The following TAFA4 variants were observed in gnomAD, a reference collection of about 807,000 sequenced individuals.
The protein encoded by TAFA4 is TAFA chemokine like family member 4.
Under a neutral mutation model 21.1 loss-of-function variants are expected in TAFA4, and 20 were observed. The ratio of observed to expected loss-of-function variants is 0.95; its 90% confidence interval spans 0.67 to 1.38. TAFA4 has a LOEUF of 1.38. Ranked by LOEUF, TAFA4 falls within the 40% of genes most tolerant of loss-of-function variation. TAFA4 has a pLI of 0.00. For synonymous variants in TAFA4, 71 were observed against 67.4 expected (o/e 1.05, Z -0.26); for missense variants, 211 against 180.9 (o/e 1.17, Z -0.95).
chr3:68,820,481 G>T (rs1043750908), intron 3 of TAFA4, among the ~76,000 whole-genome samples: 1 of 151,932 alleles, frequency 6.6e-6, no homozygotes, highest in Non-Finnish European at 1.5e-5. Flanking sequence ...TTTGAGAGCA[G>T]CCTGAACAAC....
intron 1 of TAFA4, among the ~76,000 whole-genome samples, chr3:68,890,449 G>C (rs4855536): frequency 0.55 from 83,692 of 152,026 alleles, 23,579 homozygotes; most frequent in East Asian, 0.72. Flanking sequence ...TTTGAATGTT[G>C]TGGTTAATTC....
intron 4 of TAFA4, among the ~76,000 whole-genome samples, chr3:68,742,363 C>T (rs898265369): frequency 3.2e-5 from 3 of 93,500 alleles, no homozygotes; most frequent in African/African-American, 1.1e-4. Flanking sequence ...ATTTTCTCTG[C>T]AGGCAACACA....
At chr3:68,739,280 G>C in intron 4 of TAFA4, 81 bp from the exon 5 acceptor site, 1 of 1,488,348 alleles carries the variant, frequency 6.7e-7, no homozygotes, top group Non-Finnish European at 9.2e-7. Flanking sequence ...ATACAGAGTA[G>C]TACACTGAGT....
Position 68,891,159 on chromosome 3 carries a change from T to C in TAFA4, c.-122-5849A>G, listed in dbSNP as rs142233400. Among the ~76,000 whole-genome samples the C allele has an allele frequency of 5.6e-4, 85 of 152,296 alleles. 1 individual carries two copies. The highest frequency in any genetic ancestry group is 4.9e-4 in the Non-Finnish European group (33 of 68,018). On this transcript the variant is annotated intron_variant, in intron 1 of 5. Transcript: ENST00000295569. ...AAGATATACCAGAGCCAGAACATCA[T>C]ACATGAAGGCTAAATTACTTCGGTT...
intron 3 of TAFA4, among the ~76,000 whole-genome samples, chr3:68,771,468 G>A (rs925201809): frequency 9.8e-5 from 15 of 152,352 alleles, no homozygotes; most frequent in Admixed American, 3.9e-4. Flanking sequence ...TTTGAGCAGC[G>A]GGGCACTGAA....
chr3:68,746,505 C>A (rs141643601), intron 4 of TAFA4, among the ~76,000 whole-genome samples: 1 of 152,090 alleles, frequency 6.6e-6, no homozygotes, highest in Non-Finnish European at 1.5e-5. Context: ...GATTTTAACA[C>A]TTTGTGTCTT....
intron 2 of TAFA4, among the ~76,000 whole-genome samples, chr3:68,883,364 G>T (rs2089638140): frequency 6.6e-6 from 1 of 152,220 alleles, no homozygotes; most frequent in Non-Finnish European, 1.5e-5. Context: ...TCCAGGAAAG[G>T]CTCAGTCCCC....
intron 1 of TAFA4, among the ~76,000 whole-genome samples, chr3:68,903,415 T>C (rs967780524): frequency 3.9e-5 from 6 of 152,184 alleles, no homozygotes; most frequent in Non-Finnish European, 7.3e-5. Context: ...TGGCCGCAAA[T>C]AGAAATCATA....
At chr3:68,798,041 A>G (rs933904850) in intron 3 of TAFA4, among the ~76,000 whole-genome samples, 1 of 152,244 alleles carries the variant, frequency 6.6e-6, no homozygotes, top group South Asian at 2.1e-4. Context: ...TAATATAGGT[A>G]TATCTTCATC....
chr3:68,866,486 A>T (rs1310497571), intron 3 of TAFA4, among the ~76,000 whole-genome samples: 1 of 151,942 alleles, frequency 6.6e-6, no homozygotes, highest in African/African-American at 2.4e-5. Context: ...AGACAGAAAT[A>T]AATAATTAAC....
intron 3 of TAFA4, among the ~76,000 whole-genome samples, chr3:68,849,111 G>A (rs1389103899): frequency 1.3e-5 from 2 of 151,860 alleles, no homozygotes; most frequent in Non-Finnish European, 2.9e-5. Flanking sequence ...ATTTTTCTTT[G>A]TCTCTTCTAG....
chr3:68,911,859 C>T (rs6770678), intron 1 of TAFA4, among the ~76,000 whole-genome samples: 103,713 of 152,058 alleles, frequency 0.68, 36,632 homozygotes, highest in African/African-American at 0.84. Flanking sequence ...AGTGGTAATA[C>T]GTTTCCGACC....
intron 3 of TAFA4, among the ~76,000 whole-genome samples, chr3:68,843,838 G>A (rs367641956): frequency 6.6e-6 from 1 of 152,334 alleles, no homozygotes. Flanking sequence ...TTCATATGTT[G>A]AATCAGCCTT....
chr3:68,811,556 C>G (rs1302247574), intron 3 of TAFA4, among the ~76,000 whole-genome samples: 1 of 152,020 alleles, frequency 6.6e-6, no homozygotes, highest in Non-Finnish European at 1.5e-5. Flanking sequence ...ATTCAATCAA[C>G]TGGAAGAAAG....
rs1254168607 is a variant in TAFA4 at position 68,880,734 on chromosome 3, A to G, written c.126T>C (p.His42=). Reference sequence around the variant, plus strand: ...TAATGAGCTTAAAGGGCTTACCTGCATGTCCCCGGAGGTGCTGGCTTGAGG... The same window carrying G: ...TAATGAGCTTAAAGGGCTTACCTGCGTGTCCCCGGAGGTGCTGGCTTGAGG... The part of the protein sequence containing the change: ...MSASSQHLRG[H]AGHHQIKQGT... Residue 42 remains histidine (H), a synonymous_variant, in exon 3 of 6, where the codon CAT becomes CAC. Transcript: ENST00000295569. The G allele has an allele frequency of 1.4e-5, 22 of 1,613,898 alleles. No homozygotes were observed. The highest frequency in any genetic ancestry group is 2.2e-5 in the East Asian group (1 of 44,864).
intron 3 of TAFA4, among the ~76,000 whole-genome samples, chr3:68,841,590 G>A (rs1704667271): frequency 6.6e-6 from 1 of 151,874 alleles, no homozygotes; most frequent in African/African-American, 2.4e-5. Context: ...TAAGTTCTGG[G>A]ATGCATGTGC....
At chr3:68,797,449 T>A (rs1210563948) in intron 3 of TAFA4, among the ~76,000 whole-genome samples, 1 of 151,574 alleles carries the variant, frequency 6.6e-6, no homozygotes, top group Non-Finnish European at 1.5e-5. Flanking sequence ...CTGTCTCAAC[T>A]AAAAATACAA....
chr3:68,904,780 G>C (rs549929233), intron 1 of TAFA4, among the ~76,000 whole-genome samples: 2 of 152,294 alleles, frequency 1.3e-5, no homozygotes, highest in East Asian at 3.9e-4. Context: ...CACTTCTGCT[G>C]ACTCAGGGGC....
At chr3:68,880,435 C>T (rs2089602911) in intron 3 of TAFA4, among the ~76,000 whole-genome samples, 1 of 152,124 alleles carries the variant, frequency 6.6e-6, no homozygotes, top group African/African-American at 2.4e-5. Context: ...CACACACACA[C>T]ACACGCCAAC....
Sources: gnomAD v4.1 joint callset for allele counts (sites outside exome capture counted in the v4.1 genomes callset) on GRCh38, gnomAD v4.1.1 for gene constraint, MANE v1.5 for transcripts, NCBI Gene and HGNC (gene_info 2026-07-23, HGNC 2026-07-21) for gene names.